The following PAK1IP1 variants were observed in gnomAD, a reference collection of about 807,000 sequenced individuals.
The protein encoded by PAK1IP1 is p21-activated protein kinase-interacting protein 1.
Under a neutral mutation model 42.0 loss-of-function variants are expected in PAK1IP1, and 24 were observed. The ratio of observed to expected loss-of-function variants is 0.57; its 90% CI spans 0.41 to 0.80. PAK1IP1 has a LOEUF of 0.80. Among genes scored for constraint, PAK1IP1 ranks in the 30% least tolerant of loss-of-function variants. The pLI, the probability that PAK1IP1 is intolerant of heterozygous loss-of-function variation, is 0.00. For missense variants in PAK1IP1, 411 were observed against 467.9 expected (o/e 0.88, Z 1.12); for synonymous variants, 154 against 156.7 (o/e 0.98, Z 0.13).
intron 2 of PAK1IP1, among the ~76,000 whole-genome samples, chr6:10,698,321 T>G (rs1462145952): frequency 4.6e-5 from 7 of 152,184 alleles, no homozygotes; most frequent in Non-Finnish European, 7.3e-5. Context: ...TAGCAATATC[T>G]GACTTTATTG....
Position 10,703,452 on chromosome 6 carries a change from A to G in PAK1IP1, c.491A>G (p.Lys164Arg). 6.2e-7 allele frequency: 1 copy of G among 1,604,686 alleles called. No individual in the cohort carries two copies. Residue 164 changes from lysine to arginine, a missense_variant, in exon 5 of 10, where the codon AAA becomes AGA. Transcript: ENST00000379568. ...AGATCAGCATTCATAAAAAATATAA[A>G]ACAAAGTGAGTATTTTTGTTTGAAA... ...EGRSAFIKNI[K>R]QNAHIVEWSP...
At position 10,697,330 on chromosome 6, in the gene PAK1IP1, A is replaced by G. The variant is rs2127478627; in HGVS notation, c.91A>G (p.Thr31Ala). ...ATGTTTTCATCTTCAGCAGCAATGG[A>G]CTCTTGTGGCTGACTTCACTCACCA... Reference protein sequence around the residue: ...PEACGDHEQWTLVADFTHHAH... With the variant: ...PEACGDHEQWALVADFTHHAH... The change falls in exon 2 of 10, where the codon ACT becomes GCT. Residue 31 changes from threonine (T) to alanine (A), a missense_variant. Physicochemically the swap from Thr to Ala is moderately conservative, Grantham distance 58. Coordinates refer to ENST00000379568, the MANE Select transcript of PAK1IP1 (RefSeq NM_017906.3). 6.2e-7 allele frequency: 1 copy of G among 1,612,788 alleles called. No individual in the cohort carries two copies. The highest frequency in any genetic ancestry group is 1.7e-4 in the Middle Eastern group (1 of 6,058).
chr6:10,694,597 TAAGCAACCGGCC>T, upstream of PAK1IP1: 1 of 195,446 alleles, frequency 5.1e-6, no homozygotes, highest in Non-Finnish European at 1.1e-5. Context: ...CTACAGCCCC[TAAGCAACCGGCC>T]GGAAGTCGGC....
chr6:10,698,044 T>C (rs1769910425), intron 2 of PAK1IP1, among the ~76,000 whole-genome samples: 1 of 152,202 alleles, frequency 6.6e-6, no homozygotes, highest in Non-Finnish European at 1.5e-5. Context: ...TGTCAGTTAT[T>C]GGGCAGGTAA....
At chr6:10,691,164 T>G (rs1171368276), upstream of PAK1IP1, among the ~76,000 whole-genome samples, 2 of 152,198 alleles carry the variant, frequency 1.3e-5, no homozygotes, top group African/African-American at 4.8e-5. Flanking sequence ...TTACCCTTAA[T>G]GAGGTACGCT....
chr6:10,693,083 C>A (rs1016901101), upstream of PAK1IP1, among the ~76,000 whole-genome samples: 2 of 152,170 alleles, frequency 1.3e-5, no homozygotes, highest in Non-Finnish European at 2.9e-5. Context: ...CTCTGTTAAG[C>A]CCTATTGTAT....
At chr6:10,702,928 T>TCCCAAGTAGCTG (rs1005653759) in intron 4 of PAK1IP1, among the ~76,000 whole-genome samples, 6 of 152,050 alleles carry the variant, frequency 3.9e-5, no homozygotes, top group African/African-American at 1.4e-4. Flanking sequence ...TGCCTCAGCC[T>TCCCAAGTAGCTG]CCCAAGTAGC....
chr6:10,694,912 T>TC, upstream of PAK1IP1: 1 of 911,486 alleles, frequency 1.1e-6, no homozygotes, highest in Non-Finnish European at 1.6e-6. Flanking sequence ...TGTTTTTTTT[T>TC]TTTTTTTTTT....
chr6:10,700,948 C>G (rs1241455026), intron 2 of PAK1IP1, among the ~76,000 whole-genome samples: 1 of 152,122 alleles, frequency 6.6e-6, no homozygotes, highest in African/African-American at 2.4e-5. Context: ...AGCCCAGCAT[C>G]CATTAGCTGT....
At chr6:10,699,288 G>A (rs1646973215) in intron 2 of PAK1IP1, among the ~76,000 whole-genome samples, 1 of 152,072 alleles carries the variant, frequency 6.6e-6, no homozygotes, top group Admixed American at 6.6e-5. Flanking sequence ...AGCAGGTGGA[G>A]TGTGAGTGCA....
At chr6:10,703,582 A>C in intron 5 of PAK1IP1, 125 bp downstream of exon 5, 12 of 626,126 alleles carry the variant, frequency 1.9e-5, no homozygotes, top group Non-Finnish European at 3.4e-5. Flanking sequence ...ACCTTACCTC[A>C]TGATGGGTCA....
At chr6:10,694,589 A>G, upstream of PAK1IP1, 3 of 178,134 alleles carry the variant, frequency 1.7e-5, no homozygotes, top group South Asian at 2.0e-4. Context: ...TGCCGGCGCT[A>G]CAGCCCCTAA....
chr6:10,694,228 C>G (rs1263526620), upstream of PAK1IP1, among the ~76,000 whole-genome samples: 1 of 145,826 alleles, frequency 6.9e-6, no homozygotes, highest in Non-Finnish European at 1.5e-5. Context: ...CCACCGGACT[C>G]CAGCCTGGGC....
intron 1 of PAK1IP1, among the ~76,000 whole-genome samples, chr6:10,695,788 T>C (rs1769807902): frequency 6.6e-6 from 1 of 152,186 alleles, no homozygotes; most frequent in Non-Finnish European, 1.5e-5. Flanking sequence ...TCTAGAAAAT[T>C]GAGTACAGTA....
chr6:10,709,108 A>G, intron 9 of PAK1IP1, 32 bp downstream of exon 9: 4 of 1,592,830 alleles, frequency 2.5e-6, no homozygotes, highest in Non-Finnish European at 3.4e-6. Context: ...GAAATTTTGA[A>G]TAATCTATTA....
rs1156313103 is a variant in PAK1IP1 at position 10,709,706 on chromosome 6, C to G, written c.*254C>G. On this transcript the variant is annotated 3_prime_UTR_variant, in exon 10 of 10. Coordinates refer to ENST00000379568, the MANE Select transcript of PAK1IP1 (RefSeq NM_017906.3). The stretch of plus-strand genomic sequence containing the variant: ...ATGTTAATGTGTCATGTAATTTTTA[C>G]TTTGTACAAAGCAAATAAAGATCTT... 1.3e-5 allele frequency: 3 copies of G among 231,536 alleles called. No homozygotes were observed. Among genetic ancestry groups the G allele is most frequent in the Non-Finnish European group, 1.6e-5 (2 of 122,198 alleles). The allele number at this position is 231,536 out of a possible 1,614,324, so 14.3% of individuals were successfully genotyped here. A position where few individuals can be genotyped will look rare whatever the true frequency, so the allele number is the denominator to read the frequency against.
At chr6:10,699,035 C>T (rs547263097) in intron 2 of PAK1IP1, among the ~76,000 whole-genome samples, 6 of 151,864 alleles carry the variant, frequency 4.0e-5, no homozygotes, top group Middle Eastern at 3.4e-3. Flanking sequence ...CCCGTCTCTA[C>T]GAAAAATACA....
chr6:10,692,453 C>CA (rs1769409771), upstream of PAK1IP1, among the ~76,000 whole-genome samples: 1 of 151,370 alleles, frequency 6.6e-6, no homozygotes. Flanking sequence ...GAAAGAATGA[C>CA]TTTTTTTTTG....
At chr6:10,708,291 T>G (rs1770267041) in intron 8 of PAK1IP1, among the ~76,000 whole-genome samples, 1 of 146,032 alleles carries the variant, frequency 6.8e-6, no homozygotes, top group African/African-American at 2.8e-5. Flanking sequence ...CACACAACGT[T>G]TGGCCTTTTG....
Sources: gnomAD v4.1 joint callset for allele counts (sites outside exome capture counted in the v4.1 genomes callset) on GRCh38, gnomAD v4.1.1 for gene constraint, MANE v1.5 for transcripts, NCBI Gene and HGNC (gene_info 2026-07-23, HGNC 2026-07-21) for gene names.